UST: variants seen among roughly 807,000 people sequenced by gnomAD.
The protein encoded by UST is chondroitin sulfate 2-O-sulfotransferase.
UST carries 21 observed loss-of-function variants against 45.6 expected under a neutral mutation model. The ratio of observed to expected loss-of-function variants is 0.46; its 90% CI spans 0.33 to 0.66. UST has a LOEUF of 0.66. Ranked by LOEUF, UST falls within the 30% of genes least tolerant of loss-of-function variation. UST has a pLI of 0.02. For missense variants in UST, 463 were observed against 512.4 expected, an observed-to-expected ratio of 0.90 and a Z score of 0.93; for synonymous variants, 215 against 200.6, an observed-to-expected ratio of 1.07 and a Z score of -0.61.
chr6:148,877,920 TGTGTATGAGTGGGGGGGTC>T (rs1778723928), intron 1 of UST, among the ~76,000 whole-genome samples: 1 of 40,166 alleles, frequency 2.5e-5, no homozygotes, highest in Non-Finnish European at 4.3e-5. Flanking sequence ...GTGCGGAGAT[TGTGTATGAGTGGGGGGGTC>T]GTGTATGAGT....
At chr6:148,955,958 G>A (rs760529642) in intron 4 of UST, 7 of 152,122 alleles carry the variant, frequency 4.6e-5, no homozygotes, top group South Asian at 2.1e-4. Context: ...CAACAAACAC[G>A]TGTACAGGAG....
chr6:148,969,910 T>C (rs972859065), intron 5 of UST, among the ~76,000 whole-genome samples: 2 of 152,200 alleles, frequency 1.3e-5, no homozygotes, highest in African/African-American at 4.8e-5. Flanking sequence ...GTTTATTTAC[T>C]TGGAAACCTA....
At chr6:148,963,869 G>A (rs749711244) in intron 4 of UST, among the ~76,000 whole-genome samples, 17 of 152,182 alleles carry the variant, frequency 1.1e-4, no homozygotes, top group African/African-American at 2.9e-4. Context: ...GGTGAATAGC[G>A]AGTGCTCAGT....
In UST at chr6:148,779,699, A is replaced by G. The variant is rs1345061448; in HGVS notation, c.247+32022A>G. Among the ~76,000 whole-genome samples the G allele has an allele frequency of 2.0e-5, 3 of 152,250 alleles. No homozygotes were observed. The East Asian group carries it at 5.8e-4, about 29-fold the overall frequency. Reference sequence around the variant, plus strand: ...TGTCATCATGGCTGGAAATATTAGTATAGCTTTGAGAGAAAAGGACATTTT... The same window carrying G: ...TGTCATCATGGCTGGAAATATTAGTGTAGCTTTGAGAGAAAAGGACATTTT... On this transcript the variant is annotated intron_variant, in intron 1 of 7. Transcript: ENST00000367463.
intron 2 of UST, among the ~76,000 whole-genome samples, chr6:148,902,023 T>C (rs1019561287): frequency 6.6e-6 from 1 of 152,210 alleles, no homozygotes; most frequent in Non-Finnish European, 1.5e-5. Context: ...CCAGTTTTAT[T>C]CTAGCTTCCA....
At chr6:148,857,957 A>C (rs1778235780) in intron 1 of UST, among the ~76,000 whole-genome samples, 1 of 152,156 alleles carries the variant, frequency 6.6e-6, no homozygotes, top group Admixed American at 6.5e-5. Context: ...GAAAATGAAA[A>C]AAAACCCAAG....
At chr6:148,812,815 A>C (rs1355847069) in intron 1 of UST, among the ~76,000 whole-genome samples, 1 of 152,242 alleles carries the variant, frequency 6.6e-6, no homozygotes, top group African/African-American at 2.4e-5. Flanking sequence ...ATCCTGATAC[A>C]GCATGGGAGA....
At chr6:148,975,148 C>T (rs1031085923) in intron 5 of UST, among the ~76,000 whole-genome samples, 1 of 152,206 alleles carries the variant, frequency 6.6e-6, no homozygotes, top group African/African-American at 2.4e-5. Context: ...ATAAAATTAG[C>T]CGAGACCAGT....
At chr6:149,063,383 GA>G (rs1274054247) in intron 7 of UST, among the ~76,000 whole-genome samples, 1 of 152,062 alleles carries the variant, frequency 6.6e-6, no homozygotes, top group African/African-American at 2.4e-5. Flanking sequence ...AAGGTAATAA[GA>G]AAAAACTTTT....
chr6:148,761,614 G>C (rs1776223371), intron 1 of UST, among the ~76,000 whole-genome samples: 1 of 152,212 alleles, frequency 6.6e-6, no homozygotes, highest in African/African-American at 2.4e-5. Context: ...ACCAGAAAGT[G>C]CCGATTGGTG....
At chr6:149,026,285 C>T (rs1333155505) in intron 7 of UST, among the ~76,000 whole-genome samples, 1 of 152,096 alleles carries the variant, frequency 6.6e-6, no homozygotes, top group Non-Finnish European at 1.5e-5. Flanking sequence ...CCATTGCACT[C>T]TAGCCTAGGT....
intron 5 of UST, among the ~76,000 whole-genome samples, chr6:148,988,816 C>T (rs1156323169): frequency 6.6e-6 from 1 of 152,078 alleles, no homozygotes; most frequent in Non-Finnish European, 1.5e-5. Flanking sequence ...AAGTAGACTT[C>T]GCCTATTCCC....
intron 6 of UST, among the ~76,000 whole-genome samples, chr6:149,021,114 G>A (rs1253917902): frequency 6.6e-6 from 1 of 152,184 alleles, no homozygotes; most frequent in Non-Finnish European, 1.5e-5. Context: ...ATGGATGAAA[G>A]TGACAGAGAA....
intron 1 of UST, among the ~76,000 whole-genome samples, chr6:148,813,823 G>T (rs1295487157): frequency 6.6e-6 from 1 of 152,022 alleles, no homozygotes; most frequent in East Asian, 1.9e-4. Flanking sequence ...ATACTGAAAG[G>T]GCCATTCTAT....
At chr6:149,025,080 TC>T (rs1776031357) in intron 7 of UST, among the ~76,000 whole-genome samples, 1 of 152,172 alleles carries the variant, frequency 6.6e-6, no homozygotes, top group Admixed American at 6.5e-5. Context: ...CTAGTAAAAA[TC>T]GTAATGTCTG....
intron 7 of UST, among the ~76,000 whole-genome samples, chr6:149,047,539 C>T (rs529282341): frequency 4.7e-4 from 71 of 152,230 alleles, no homozygotes; most frequent in African/African-American, 1.6e-3. Flanking sequence ...CTTATGTGTT[C>T]TCCCACCCCT....
chr6:149,016,276 A>G (rs747759630), intron 5 of UST, among the ~76,000 whole-genome samples: 85 of 152,264 alleles, frequency 5.6e-4, no homozygotes, highest in Middle Eastern at 6.8e-3. Context: ...TGACCTCGTG[A>G]GGTTATTTGT....
chr6:148,988,300 G>A (rs1781272002), intron 5 of UST, among the ~76,000 whole-genome samples: 1 of 152,086 alleles, frequency 6.6e-6, no homozygotes, highest in Non-Finnish European at 1.5e-5. Flanking sequence ...CAGGCTGGGT[G>A]CGGTGGCTCA....
intron 2 of UST, among the ~76,000 whole-genome samples, chr6:148,929,172 T>TA (rs1338718768): frequency 1.3e-5 from 2 of 152,202 alleles, no homozygotes; most frequent in African/African-American, 4.8e-5. Flanking sequence ...ACTGGTTACT[T>TA]ACTCCATATC....
Sources: allele counts gnomAD v4.1 joint callset (sites outside exome capture counted in the v4.1 genomes callset), GRCh38; gene constraint gnomAD v4.1.1; transcripts MANE v1.5; gene names NCBI Gene and HGNC (gene_info 2026-07-23, HGNC 2026-07-21).